The following KCNT1 variants were observed in gnomAD, a reference collection of about 807,000 sequenced individuals.
KCNT1 encodes the protein potassium sodium-activated channel subfamily T member 1.
KCNT1 carries 78 observed loss-of-function variants against 147.8 expected under a neutral mutation model. That is an observed-to-expected ratio of 0.53 (90% CI 0.44 to 0.64). The LOEUF is 0.64. Ranked by LOEUF, KCNT1 falls within the 30% of genes least tolerant of loss-of-function variation. The probability of loss-of-function intolerance (pLI) is 0.00; values close to 1 mark genes in which losing one functional copy is unlikely to be tolerated. For synonymous variants in KCNT1, 867 were observed against 748.8 expected (o/e 1.16, Z -2.58); for missense variants, 1,419 against 1,750.3 (o/e 0.81, Z 3.38).
chr9:135,718,298 A>C (rs992730667), intron 2 of KCNT1, among the ~76,000 whole-genome samples: 3 of 152,186 alleles, frequency 2.0e-5, no homozygotes, highest in Non-Finnish European at 4.4e-5. Context: ...GGACGTGCTT[A>C]TCTGAATGCA....
intron 30 of KCNT1, 32 bp from the exon 31 acceptor site, chr9:135,792,009 T>G (rs966184908): frequency 1.0e-5 from 16 of 1,602,588 alleles, no homozygotes; most frequent in Non-Finnish European, 1.4e-5. Flanking sequence ...CCGGCCCACA[T>G]CCACTCCAGG....
At chr9:135,780,371 C>T (rs1458637172) in intron 24 of KCNT1, among the ~76,000 whole-genome samples, 1 of 152,158 alleles carries the variant, frequency 6.6e-6, no homozygotes, top group African/African-American at 2.4e-5. Context: ...ATCTACTGAG[C>T]CAGGCCCGGC....
intron 13 of KCNT1, 35 bp downstream of exon 13, chr9:135,765,795 G>A: frequency 1.3e-6 from 2 of 1,533,738 alleles, no homozygotes; most frequent in Non-Finnish European, 1.8e-6. Context: ...TGGCATGGGG[G>A]CACCTTCCTG....
chr9:135,709,335 CTCAGTTCAGGGACGTGCAGGCTGTTT>C (rs1367429995), intron 1 of KCNT1, among the ~76,000 whole-genome samples: 1 of 152,232 alleles, frequency 6.6e-6, no homozygotes, highest in African/African-American at 2.4e-5. Flanking sequence ...TCAGTCGCTC[CTCAGTTCAGGGACGTGCAGGCTGTTT>C]TCAGTGTTCA....
intron 3 of KCNT1, 93 bp from the exon 4 acceptor site, chr9:135,750,849 C>T: frequency 1.8e-6 from 2 of 1,134,860 alleles, no homozygotes; most frequent in South Asian, 2.5e-5. Context: ...CCAGCTGGGG[C>T]CATCCAGAGA....
intron 11 of KCNT1, 22 bp downstream of exon 11, chr9:135,759,881 C>A (rs866212529): frequency 3.2e-6 from 5 of 1,573,854 alleles, no homozygotes; most frequent in African/African-American, 2.7e-5. Flanking sequence ...GGGCACCAGC[C>A]CTGGGTGGCA....
chr9:135,786,753 C>T (rs965583004), intron 29 of KCNT1, among the ~76,000 whole-genome samples: 1 of 152,244 alleles, frequency 6.6e-6, no homozygotes, highest in Non-Finnish European at 1.5e-5. Context: ...TGGCCATGGC[C>T]CACCCTGGTG....
rs1476484688 is a variant in KCNT1 at position 135,786,600 on chromosome 9, CG to C, written c.3502+81del. 6.6e-6 allele frequency: 9 copies of C among 1,353,912 alleles called. No individual in the cohort carries two copies. The East Asian group carries it at 2.2e-4, about 33-fold the overall frequency. The allele number at this position is 1,353,912 out of a possible 1,614,324, so 83.9% of individuals were successfully genotyped here. On this transcript the variant is annotated intron_variant, in intron 29 of 30. Coordinates refer to ENST00000371757, the MANE Select transcript of KCNT1 (RefSeq NM_020822.3). Reference sequence around the variant, plus strand: ...GGCCACAGCCAAGAACAGTCGGCCACGGCGTCCCGGGGCCCGGGCCGTCCTC... The same window carrying C: ...GGCCACAGCCAAGAACAGTCGGCCACGCGTCCCGGGGCCCGGGCCGTCCTC...
chr9:135,731,685 A>AT (rs889336980), intron 2 of KCNT1, among the ~76,000 whole-genome samples: 6 of 151,516 alleles, frequency 4.0e-5, no homozygotes, highest in Admixed American at 1.3e-4. Context: ...CCTAGACCTC[A>AT]TTTTTTCCCA....
At chr9:135,771,549 C>T (rs980586889) in intron 18 of KCNT1, among the ~76,000 whole-genome samples, 7 of 152,224 alleles carry the variant, frequency 4.6e-5, no homozygotes, top group African/African-American at 1.7e-4. Flanking sequence ...GTCCCATCAG[C>T]CCGGAGGGTC....
intron 24 of KCNT1, among the ~76,000 whole-genome samples, 153 bp from the exon 25 acceptor site, chr9:135,783,871 T>C (rs1833804941): frequency 6.6e-6 from 1 of 152,212 alleles, no homozygotes. Context: ...AGACACACAC[T>C]GTGTACACGT....
chr9:135,739,417 G>A (rs555990440), intron 2 of KCNT1, among the ~76,000 whole-genome samples: 1 of 151,894 alleles, frequency 6.6e-6, no homozygotes, highest in South Asian at 2.1e-4. Flanking sequence ...ATGTTCCTTG[G>A]CTCAGGAGAT....
chr9:135,702,325 A>C lies in KCNT1; in HGVS notation c.67A>C (p.Thr23Pro). The change falls in exon 1 of 31, where the codon ACC becomes CCC. Residue 23 changes from threonine to proline, a missense_variant. This residue lies in a region of KCNT1 where 181 missense variants were observed against 155.7 expected (regional missense o/e 1.16). Transcript: ENST00000371757. Reference sequence around the variant, plus strand: ...CCGGGAGGCGCGCGGCGGGGGCTACACCAACCGGACCTTCGAGTTTGACGA... The same window carrying C: ...CCGGGAGGCGCGCGGCGGGGGCTACCCCAACCGGACCTTCGAGTTTGACGA... ...VCREARGGGY[T>P]NRTFEFDDGQ... 3 of 1,611,576 alleles carry C rather than the reference A, an allele frequency of 1.9e-6. No homozygotes were observed. The highest frequency in any genetic ancestry group is 2.2e-5 in the South Asian group (2 of 91,038).
Position 135,750,224 on chromosome 9 carries a change from G to A in KCNT1, c.334+47G>A, listed in dbSNP as rs769259859. 6 of 1,512,060 alleles carry A rather than the reference G, an allele frequency of 4.0e-6. No homozygotes were observed. The African/African-American group carries it at 8.2e-5, about 21-fold the overall frequency. The allele number at this position is 1,512,060 out of a possible 1,614,324, so 93.7% of individuals were successfully genotyped here. On this transcript the variant is annotated intron_variant, in intron 3 of 30. Coordinates refer to ENST00000371757, the MANE Select transcript of KCNT1 (RefSeq NM_020822.3). ...CCACTCCCAGGCAGGGAGGTGTTGA[G>A]GGCGCCGGGAGCAAGCCTGGCGATG...
chr9:135,770,978 G>A lies in KCNT1; in HGVS notation c.1891G>A (p.Glu631Lys). 6.2e-7 allele frequency: 1 copy of A among 1,613,944 alleles called. No homozygotes were observed. The highest frequency in any genetic ancestry group is 8.5e-7 in the Non-Finnish European group (1 of 1,179,936). ...CTTCTACATCAACATCACCAAGGAGGAGAACTCGGCCTTCATCTTCAAGCA... is the reference window on the plus strand; with the variant it reads ...CTTCTACATCAACATCACCAAGGAGAAGAACTCGGCCTTCATCTTCAAGCA... ...TCFYINITKE[E>K]NSAFIFKQEE... The change falls in exon 18 of 31, where the codon GAG becomes AAG. Residue 631 changes from glutamate (E) to lysine (K), a missense_variant. Coordinates refer to ENST00000371757, the MANE Select transcript of KCNT1 (RefSeq NM_020822.3).
In KCNT1 at chr9:135,786,902, C is replaced by T. The variant is rs192678419; in HGVS notation, c.3502+381C>T. Among the ~76,000 whole-genome samples the T allele has an allele frequency of 6.5e-4, 99 of 152,344 alleles. 3 individuals carry two copies. In the East Asian group the frequency reaches 0.018, roughly 28 times the overall value. On this transcript the variant is annotated intron_variant, in intron 29 of 30. Transcript: ENST00000371757. ...GGCTGAGCCCTTTGGCCAGGGGAGG[C>T]AGCTGTGGGGTGGAGAGGGCCAGGC... is the stretch of plus-strand genomic sequence containing the variant.
intron 12 of KCNT1, 136 bp from the exon 13 acceptor site, chr9:135,765,488 T>C: frequency 9.6e-7 from 1 of 1,042,962 alleles, no homozygotes; most frequent in Admixed American, 2.9e-5. Flanking sequence ...GCCCCTCTTT[T>C]CCCTCCCACC....
At position 135,755,120 on chromosome 9, in the gene KCNT1, G is replaced by A; in HGVS notation, c.492-1G>A. ...CTGTGCTGCCTCCTTTCTCTTCCCA[G>A]GGCTCCTATTCTGTGGGTGGAGAGA... On this transcript the variant is annotated splice_acceptor_variant, in intron 5 of 30. Coordinates refer to ENST00000371757, the MANE Select transcript of KCNT1 (RefSeq NM_020822.3). LOFTEE classifies it high-confidence loss of function. The A allele has an allele frequency of 6.2e-7, 1 of 1,610,778 alleles. No homozygotes were observed. The highest frequency in any genetic ancestry group is 8.5e-7 in the Non-Finnish European group (1 of 1,178,344).
At chr9:135,785,876 C>T in intron 28 of KCNT1, 1 of 474,368 alleles carries the variant, frequency 2.1e-6, no homozygotes, top group Non-Finnish European at 3.8e-6. Flanking sequence ...AGATGGGTCC[C>T]AGGCCGGACC....
Sources: gnomAD v4.1 joint callset for allele counts (sites outside exome capture counted in the v4.1 genomes callset) on GRCh38, gnomAD v4.1.1 for gene constraint, gnomAD v4.1.1 regional missense constraint, MANE v1.5 for transcripts, NCBI Gene and HGNC (gene_info 2026-07-23, HGNC 2026-07-21) for gene names.